The following MYO1F variants were observed in gnomAD, a reference collection of about 807,000 sequenced individuals.
MYO1F encodes the protein myosin IF, also known as unconventional myosin-If.
A neutral mutation model predicts 146.6 loss-of-function variants in MYO1F; 60 were observed. The ratio of observed to expected loss-of-function variants is 0.41; its 90% CI spans 0.33 to 0.51. MYO1F has a LOEUF of 0.51. Ranked by LOEUF, MYO1F falls within the 20% of genes least tolerant of loss-of-function variation. The pLI, the probability that MYO1F is intolerant of heterozygous loss-of-function variation, is 0.25. For missense variants in MYO1F, 1,274 were observed against 1,534.3 expected (o/e 0.83, Z 2.83); for synonymous variants, 602 against 602.1 (o/e 1.00, Z 0.00).
chr19:8,576,163 A>AT (rs2042236227), intron 1 of MYO1F, among the ~76,000 whole-genome samples: 1 of 151,988 alleles, frequency 6.6e-6, no homozygotes, highest in Non-Finnish European at 1.5e-5. Flanking sequence ...CGCCCAGTTA[A>AT]TTTTTTGTAT....
chr19:8,521,810 A>G (rs1362760760), intron 27 of MYO1F, among the ~76,000 whole-genome samples: 4 of 151,684 alleles, frequency 2.6e-5, no homozygotes, highest in African/African-American at 9.7e-5. Context: ...TCTACTCTTT[A>G]AAAGTTTTTT....
intron 1 of MYO1F, among the ~76,000 whole-genome samples, chr19:8,565,261 G>C (rs2041982202): frequency 6.6e-6 from 1 of 152,088 alleles, no homozygotes; most frequent in South Asian, 2.1e-4. Context: ...ATTGTGGGCA[G>C]GTTGGGTGCA....
rs1178852637 is a variant in MYO1F at position 8,530,423 on chromosome 19, GC to G, written c.2158+35del. ...TGATACAGCTCCTCCAGGTCCTTGT[GC>G]CCCCACCCCGCGCCGTTTACCCGAA... is the stretch of plus-strand genomic sequence containing the variant. On this transcript the variant is annotated intron_variant, in intron 20 of 27. Transcript: ENST00000644032. This position sits in a 1 kb window ranked among gnomAD's most constrained non-coding sequence, Gnocchi z 5.8. 1.2e-6 allele frequency: 2 copies of G among 1,613,490 alleles called. No individual in the cohort carries two copies. Among genetic ancestry groups the G allele is most frequent in the Non-Finnish European group, 1.7e-6 (2 of 1,179,898 alleles).
chr19:8,548,345 A>G, intron 10 of MYO1F, 28 bp from the exon 11 acceptor site: 1 of 1,609,670 alleles, frequency 6.2e-7, no homozygotes, highest in Non-Finnish European at 8.5e-7. Context: ...ACAGGAAGTC[A>G]GTGGGCATCG....
intron 1 of MYO1F, among the ~76,000 whole-genome samples, chr19:8,571,320 C>T (rs553145890): frequency 9.8e-5 from 15 of 152,286 alleles, no homozygotes; most frequent in African/African-American, 3.1e-4. Context: ...CCACACCCTG[C>T]GTCCATGCAC....
intron 16 of MYO1F, among the ~76,000 whole-genome samples, chr19:8,539,434 C>CA (rs907669398): frequency 2.0e-5 from 3 of 150,184 alleles, no homozygotes; most frequent in Non-Finnish European, 4.4e-5. Context: ...ACCAAACCAA[C>CA]AAAAAAACAA....
intron 1 of MYO1F, among the ~76,000 whole-genome samples, chr19:8,560,357 C>CAT (rs1974036240): frequency 6.6e-6 from 1 of 151,590 alleles, no homozygotes; most frequent in Non-Finnish European, 1.5e-5. Flanking sequence ...TGGGGGTGCG[C>CAT]GCCTGTAATC....
In MYO1F at chr19:8,530,428, C is replaced by T. The variant is rs745812373; in HGVS notation, c.2158+31G>A. ...CAGCTCCTCCAGGTCCTTGTGCCCC[C>T]ACCCCGCGCCGTTTACCCGAAGCCT... is the stretch of plus-strand genomic sequence containing the variant. On this transcript the variant is annotated intron_variant, in intron 20 of 27. Transcript: ENST00000644032. The surrounding 1 kb of genome is among the most constrained non-coding windows in gnomAD (Gnocchi z 5.8). 6.8e-6 allele frequency: 11 copies of T among 1,613,560 alleles called. No homozygotes were observed. Among genetic ancestry groups the T allele is most frequent in the Admixed American group, 6.7e-5 (4 of 59,992 alleles).
At position 8,525,197 on chromosome 19, in the gene MYO1F, C is replaced by CT. The variant is rs1398698512; in HGVS notation, c.2854+281dup. ...CCTGGGAGACAGAGTTGGACTCCAT[C>CT]TCAAAAAAAAAAAAAAAAAAAAAAA... is the stretch of plus-strand genomic sequence containing the variant. On this transcript the variant is annotated intron_variant, in intron 25 of 27. Coordinates refer to ENST00000644032, the MANE Select transcript of MYO1F (RefSeq NM_012335.4). The CT allele has an allele frequency of 1.8e-4, 45 of 254,848 alleles. No homozygotes were observed. In the African/African-American group the frequency reaches 2.5e-3, roughly 14 times the overall value. The allele number at this position is 254,848 out of a possible 1,614,324, so 15.8% of individuals were successfully genotyped here. A position where few individuals can be genotyped will look rare whatever the true frequency, so the allele number is the denominator to read the frequency against.
At chr19:8,528,576 GAAA>G (rs1031164004) in intron 21 of MYO1F, among the ~76,000 whole-genome samples, 18 of 151,884 alleles carry the variant, frequency 1.2e-4, no homozygotes, top group Admixed American at 5.3e-4. Flanking sequence ...AAACAAAAAA[GAAA>G]AACAAAAAAG....
At chr19:8,560,136 A>G (rs1897764617) in intron 1 of MYO1F, among the ~76,000 whole-genome samples, 1 of 151,658 alleles carries the variant, frequency 6.6e-6, no homozygotes, top group South Asian at 2.1e-4. Context: ...GACTAAAGAT[A>G]CAGGTATTGT....
At chr19:8,543,678 G>C (rs1206759408) in intron 14 of MYO1F, among the ~76,000 whole-genome samples, 55 of 46,822 alleles carry the variant, frequency 1.2e-3, no homozygotes, top group African/African-American at 6.3e-3. Flanking sequence ...GGTGGTGCTG[G>C]TGGTGGTGGT....
intron 17 of MYO1F, 53 bp from the exon 18 acceptor site, chr19:8,536,650 G>T: frequency 2.9e-6 from 3 of 1,024,108 alleles, no homozygotes; most frequent in African/African-American, 1.7e-5. Flanking sequence ...ACCAGTCCTG[G>T]GGGTGGGTGG....
intron 14 of MYO1F, among the ~76,000 whole-genome samples, chr19:8,542,227 C>T (rs1269398330): frequency 2.7e-5 from 4 of 150,618 alleles, no homozygotes; most frequent in Non-Finnish European, 5.9e-5. Context: ...GTGGCTGTAT[C>T]CCAGGTCAGA....
Position 8,530,653 on chromosome 19 carries a change from C to A in MYO1F, c.2044-80G>T. 8.8e-7 allele frequency: 1 copy of A among 1,138,920 alleles called. No individual in the cohort carries two copies. The highest frequency in any genetic ancestry group is 1.2e-5 in the South Asian group (1 of 81,370). The allele number at this position is 1,138,920 out of a possible 1,614,324, so 70.6% of individuals were successfully genotyped here. On this transcript the variant is annotated intron_variant, in intron 19 of 27. Coordinates refer to ENST00000644032, the MANE Select transcript of MYO1F (RefSeq NM_012335.4). This position sits in a 1 kb window ranked among gnomAD's most constrained non-coding sequence, Gnocchi z 5.8. ...CAGTTCCGGGTTTTCCCTGCGCTCA[C>A]CCTACTCACACGCTTTTGCTCACCC...
At chr19:8,533,079 A>G (rs905998826) in intron 19 of MYO1F, among the ~76,000 whole-genome samples, 6 of 151,570 alleles carry the variant, frequency 4.0e-5, no homozygotes, top group African/African-American at 1.5e-4. Context: ...TTTCAGAGAC[A>G]GGGTCTTGCT....
intron 19 of MYO1F, 88 bp downstream of exon 19, chr19:8,536,164 T>C: frequency 6.8e-7 from 1 of 1,460,214 alleles, no homozygotes; most frequent in Non-Finnish European, 9.3e-7. Context: ...TCTGTCTCCC[T>C]CTGTCTCTCT....
chr19:8,549,980 G>T (rs1394277070), intron 10 of MYO1F, 180 bp downstream of exon 10: 1 of 698,670 alleles, frequency 1.4e-6, no homozygotes, highest in African/African-American at 1.8e-5. Context: ...TGAAATTTCT[G>T]TAGAGATGGG....
intron 13 of MYO1F, 117 bp downstream of exon 13, chr19:8,545,533 G>C: frequency 1.2e-6 from 1 of 862,088 alleles, no homozygotes; most frequent in Non-Finnish European, 2.0e-6. Flanking sequence ...GAAGTCCTGA[G>C]TGTAGGGTAG....
Sources: gnomAD v4.1 joint callset for allele counts (sites outside exome capture counted in the v4.1 genomes callset) on GRCh38, gnomAD v4.1.1 for gene constraint, Gnocchi (gnomAD v3.1) non-coding constraint, MANE v1.5 for transcripts, NCBI Gene and HGNC (gene_info 2026-07-23, HGNC 2026-07-21) for gene names.